Variants in AFF3 observed in about 807,000 individuals in gnomAD.
AFF3 encodes the protein ALF transcription elongation factor 3.
Under a neutral mutation model 129.7 loss-of-function variants are expected in AFF3, and 32 were observed. That is an observed-to-expected ratio of 0.25 (90% CI 0.19 to 0.33). AFF3 has a LOEUF of 0.33. Among genes scored for constraint, AFF3 ranks in the 10% least tolerant of loss-of-function variants. The pLI, the probability that AFF3 is intolerant of heterozygous loss-of-function variation, is 1.00. For synonymous variants in AFF3, 644 were observed against 635.4 expected, an observed-to-expected ratio of 1.01 and a Z score of -0.20; for missense variants, 1,373 against 1,592.0, an observed-to-expected ratio of 0.86 and a Z score of 2.34.
chr2:99,822,537 A>G (rs1687767028), intron 8 of AFF3, among the ~76,000 whole-genome samples: 1 of 152,040 alleles, frequency 6.6e-6, no homozygotes, highest in South Asian at 2.1e-4. Context: ...ACATTATTAA[A>G]CAGATGAGCC....
chr2:99,905,456 A>G (rs1694647264), intron 7 of AFF3, among the ~76,000 whole-genome samples: 1 of 152,134 alleles, frequency 6.6e-6, no homozygotes. Flanking sequence ...CTCTTGCTCA[A>G]AAATTAAGAC....
At chr2:99,641,054 A>T (rs919061658) in intron 13 of AFF3, among the ~76,000 whole-genome samples, 2 of 152,052 alleles carry the variant, frequency 1.3e-5, no homozygotes, top group African/African-American at 2.4e-5. Context: ...CTCCCTGTCC[A>T]CCCTGCAGCC....
At chr2:100,064,438 G>A (rs1490992268) in intron 4 of AFF3, among the ~76,000 whole-genome samples, 5 of 152,108 alleles carry the variant, frequency 3.3e-5, no homozygotes, top group African/African-American at 9.7e-5. Context: ...TCTTACTTTC[G>A]CATAAGTGAA....
chr2:99,695,973 AC>A (rs1157169145), intron 11 of AFF3, among the ~76,000 whole-genome samples: 8 of 97,790 alleles, frequency 8.2e-5, no homozygotes, highest in African/African-American at 3.3e-4. Flanking sequence ...AAAAGAAAAA[AC>A]CAAAAAAAAA....
chr2:99,908,150 A>C (rs1281873625), intron 7 of AFF3, among the ~76,000 whole-genome samples: 1 of 152,208 alleles, frequency 6.6e-6, no homozygotes, highest in Admixed American at 6.5e-5. Context: ...TTGCCACTGA[A>C]CATAGTTTTC....
intron 7 of AFF3, among the ~76,000 whole-genome samples, chr2:99,861,012 T>C (rs1254663153): frequency 6.6e-6 from 1 of 152,164 alleles, no homozygotes; most frequent in African/African-American, 2.4e-5. Context: ...AACTGAAAGT[T>C]TGTACCCTTA....
intron 11 of AFF3, among the ~76,000 whole-genome samples, chr2:99,680,127 C>T (rs1368381158): frequency 6.6e-6 from 1 of 152,112 alleles, no homozygotes; most frequent in African/African-American, 2.4e-5. Context: ...CAATCTAGGC[C>T]ACAGTTATGA....
rs143909115 is a variant in AFF3 at position 100,031,908 on chromosome 2, C to T, written c.54-22976G>A. ...CCAAGCTTAAGGAGGTGAAGCATAG[C>T]GCTGCACTCTTTAAGAATTACAGCT... On this transcript the variant is annotated intron_variant, in intron 4 of 24. Coordinates refer to ENST00000672756, the MANE Select transcript of AFF3 (RefSeq NM_001386135.1). Among the ~76,000 whole-genome samples, 45 of 152,286 alleles carry T rather than the reference C, an allele frequency of 3.0e-4. 1 individual carries two copies. Among genetic ancestry groups the T allele is most frequent in the East Asian group, 1.2e-3 (6 of 5,178 alleles).
chr2:99,844,002 C>G (rs1456969142), intron 7 of AFF3, among the ~76,000 whole-genome samples: 1 of 151,926 alleles, frequency 6.6e-6, no homozygotes, highest in Non-Finnish European at 1.5e-5. Context: ...TGCACTCCAG[C>G]CTGGATGACA....
At chr2:99,815,572 C>A (rs1293307117) in intron 8 of AFF3, among the ~76,000 whole-genome samples, 6 of 151,806 alleles carry the variant, frequency 4.0e-5, no homozygotes, top group Non-Finnish European at 7.4e-5. Flanking sequence ...TTCCTTCTGC[C>A]TAAAAAATTG....
chr2:99,924,393 C>T (rs1696077275), intron 7 of AFF3, among the ~76,000 whole-genome samples: 1 of 152,154 alleles, frequency 6.6e-6, no homozygotes, highest in African/African-American at 2.4e-5. Flanking sequence ...AAGAAATGAA[C>T]CCTGCTACCC....
chr2:99,669,922 C>T lies in AFF3; in HGVS notation c.1143+2616G>A, dbSNP rs563047168. Among the ~76,000 whole-genome samples the T allele has an allele frequency of 3.3e-5, 5 of 152,314 alleles. No homozygotes were observed. The South Asian group carries it at 1.0e-3, about 32-fold the overall frequency. ...CCAAGGTCATGCCACTGCACTCCAG[C>T]CTGGGCGACAAGAGTGAAACTCCGT... is the stretch of plus-strand genomic sequence containing the variant. On this transcript the variant is annotated intron_variant, in intron 12 of 24. Transcript: ENST00000672756.
intron 7 of AFF3, among the ~76,000 whole-genome samples, chr2:100,003,036 C>G (rs964371676): frequency 1.5e-5 from 2 of 130,190 alleles, no homozygotes; most frequent in African/African-American, 5.7e-5. Context: ...ATTCCATGAG[C>G]CAAAGACAGA....
intron 11 of AFF3, among the ~76,000 whole-genome samples, chr2:99,714,039 G>A (rs1678156719): frequency 6.6e-6 from 1 of 152,098 alleles, no homozygotes; most frequent in African/African-American, 2.4e-5. Flanking sequence ...TACGACCTCT[G>A]GGAACCCGGA....
intron 2 of AFF3, among the ~76,000 whole-genome samples, chr2:100,117,312 T>C (rs1304319678): frequency 6.6e-6 from 1 of 152,212 alleles, no homozygotes; most frequent in Non-Finnish European, 1.5e-5. Context: ...CTTTCTCTTG[T>C]GAAATTTTAC....
chr2:99,974,577 G>A (rs1005152810), intron 7 of AFF3, among the ~76,000 whole-genome samples: 3 of 152,086 alleles, frequency 2.0e-5, no homozygotes, highest in Non-Finnish European at 2.9e-5. Context: ...AGGGTGCTGC[G>A]GCATTTATCT....
intron 7 of AFF3, among the ~76,000 whole-genome samples, chr2:99,960,793 G>A (rs1238473017): frequency 2.6e-5 from 4 of 152,178 alleles, no homozygotes; most frequent in Non-Finnish European, 4.4e-5. Context: ...CTGGATGTCA[G>A]CAGCAGTGCA....
chr2:99,952,208 G>T (rs542643344), intron 7 of AFF3, among the ~76,000 whole-genome samples: 1 of 152,206 alleles, frequency 6.6e-6, no homozygotes, highest in Non-Finnish European at 1.5e-5. Context: ...CAGTGAGTGG[G>T]TTATTGCAAG....
chr2:99,806,557 C>T (rs1484950947), intron 8 of AFF3, among the ~76,000 whole-genome samples: 1 of 152,080 alleles, frequency 6.6e-6, no homozygotes, highest in Non-Finnish European at 1.5e-5. Flanking sequence ...GGAACCACTC[C>T]AGACTTGATG....
Sources: gnomAD v4.1 joint callset for allele counts (sites outside exome capture counted in the v4.1 genomes callset) on GRCh38, gnomAD v4.1.1 for gene constraint, MANE v1.5 for transcripts, NCBI Gene and HGNC (gene_info 2026-07-23, HGNC 2026-07-21) for gene names.